The following PTPRT variants were observed in gnomAD, a reference collection of about 807,000 sequenced individuals.
PTPRT encodes the protein protein tyrosine phosphatase receptor type T.
Under a neutral mutation model 176.8 loss-of-function variants are expected in PTPRT, and 56 were observed. The observed-to-expected ratio is 0.32, with a 90% CI of 0.26 to 0.40. The LOEUF (loss-of-function observed/expected upper bound fraction) is 0.40. Among genes scored for constraint, PTPRT ranks in the 10% least tolerant of loss-of-function variants. The pLI, the probability that PTPRT is intolerant of heterozygous loss-of-function variation, is 1.00. For missense variants in PTPRT, 1,540 were observed against 1,908.2 expected, an observed-to-expected ratio of 0.81 and a Z score of 3.60; for synonymous variants, 783 against 739.0, an observed-to-expected ratio of 1.06 and a Z score of -0.96.
intron 1 of PTPRT, among the ~76,000 whole-genome samples, chr20:42,946,247 G>A (rs1236082112): frequency 6.6e-6 from 1 of 152,128 alleles, no homozygotes. Context: ...GGGGGAACTT[G>A]CCCCCAAACA....
intron 2 of PTPRT, among the ~76,000 whole-genome samples, chr20:42,883,791 A>ATACACACACCCCT (rs2079054338): frequency 1.1e-5 from 1 of 95,168 alleles, no homozygotes; most frequent in African/African-American, 4.1e-5. Context: ...ACGCACACCC[A>ATACACACACCCCT]TACACACACA....
rs1465279954 is a variant in PTPRT, at chr20:42,352,192, G to A, written c.1654C>T (p.Leu552Phe). Residue 552 changes from leucine (L) to phenylalanine (F), a missense_variant, in exon 10 of 31, where the codon CTC becomes TTC. Physicochemically the swap from Leu to Phe is conservative, Grantham distance 22. Coordinates refer to ENST00000373187, the MANE Select transcript of PTPRT (RefSeq NM_007050.6). ...GTCCCTGGGTACAGACCCACAAAGA[G>A]GTGGTGGGTTTCATTCCGGAGCTTG... ...VFKLRNETHH[L>F]FVGLYPGTTY... 1 of 1,614,014 alleles carries A rather than the reference G, an allele frequency of 6.2e-7. No individual in the cohort carries two copies. Among genetic ancestry groups the A allele is most frequent in the East Asian group, 2.2e-5 (1 of 44,892 alleles).
Position 42,620,639 on chromosome 20 carries a change from C to T in PTPRT, c.1153+57227G>A, listed in dbSNP as rs1013917324. Among the ~76,000 whole-genome samples, 8 of 152,320 alleles carry T rather than the reference C, an allele frequency of 5.3e-5. No individual in the cohort carries two copies. In the East Asian group the frequency reaches 1.4e-3, roughly 26 times the overall value. Reference sequence around the variant, plus strand: ...CCGAGCCAGGTGTGGGATATAATCTCGTGGTTTGCTGTTTTTTAAGCCGGT... The same window carrying T: ...CCGAGCCAGGTGTGGGATATAATCTTGTGGTTTGCTGTTTTTTAAGCCGGT... On this transcript the variant is annotated intron_variant, in intron 7 of 30. Coordinates refer to ENST00000373187, the MANE Select transcript of PTPRT (RefSeq NM_007050.6).
At chr20:43,087,574 G>A (rs530187828) in intron 1 of PTPRT, among the ~76,000 whole-genome samples, 1 of 152,004 alleles carries the variant, frequency 6.6e-6, no homozygotes, top group Non-Finnish European at 1.5e-5. Flanking sequence ...ATGTTGGCCA[G>A]GCTGGTCTCA....
intron 9 of PTPRT, among the ~76,000 whole-genome samples, chr20:42,365,272 G>A (rs541395688): frequency 6.6e-6 from 1 of 152,262 alleles, no homozygotes; most frequent in South Asian, 2.1e-4. Context: ...GTAGCTAGTA[G>A]CTAGACCAGG....
chr20:42,746,367 C>T (rs987331006), intron 6 of PTPRT, among the ~76,000 whole-genome samples: 4 of 152,126 alleles, frequency 2.6e-5, no homozygotes, highest in African/African-American at 7.2e-5. Context: ...GAGTCAGAGG[C>T]TAAGGGTGGG....
intron 7 of PTPRT, among the ~76,000 whole-genome samples, chr20:42,632,641 C>A (rs937935619): frequency 6.7e-6 from 1 of 149,814 alleles, no homozygotes; most frequent in Non-Finnish European, 1.5e-5. Flanking sequence ...ATATATTATA[C>A]TAAATTTATG....
intron 1 of PTPRT, among the ~76,000 whole-genome samples, chr20:42,967,068 C>T (rs761685301): frequency 3.3e-5 from 5 of 152,280 alleles, no homozygotes; most frequent in African/African-American, 1.2e-4. Flanking sequence ...CTTTAGCAGA[C>T]GATGAGTTTA....
chr20:42,394,023 C>T (rs536269139), intron 9 of PTPRT, among the ~76,000 whole-genome samples: 1 of 149,448 alleles, frequency 6.7e-6, no homozygotes, highest in Admixed American at 6.7e-5. Context: ...TGCACAAAGT[C>T]TATGAAGATG....
intron 9 of PTPRT, among the ~76,000 whole-genome samples, chr20:42,365,386 T>C (rs4812591): frequency 0.55 from 84,291 of 151,976 alleles, 23,633 homozygotes; most frequent in Non-Finnish European, 0.58. Context: ...TGGTGTATAG[T>C]TGTATATGGA....
chr20:42,347,122 C>G (rs1003443410), intron 11 of PTPRT, among the ~76,000 whole-genome samples: 4 of 152,230 alleles, frequency 2.6e-5, no homozygotes, highest in Non-Finnish European at 4.4e-5. Flanking sequence ...CAGTTAACAT[C>G]TTAGACTTCA....
intron 7 of PTPRT, among the ~76,000 whole-genome samples, chr20:42,561,979 C>A (rs931948408): frequency 2.0e-5 from 3 of 152,170 alleles, no homozygotes; most frequent in African/African-American, 4.8e-5. Context: ...GTTTTATTCT[C>A]CCCTGGCTCC....
intron 1 of PTPRT, among the ~76,000 whole-genome samples, chr20:42,934,112 G>T (rs2145977973): frequency 6.6e-6 from 1 of 152,276 alleles, no homozygotes; most frequent in East Asian, 1.9e-4. Context: ...CTTTGCCTTG[G>T]GCAGTGTCAA....
At chr20:42,719,741 A>G (rs2076278242) in intron 6 of PTPRT, among the ~76,000 whole-genome samples, 1 of 152,180 alleles carries the variant, frequency 6.6e-6, no homozygotes, top group Non-Finnish European at 1.5e-5. Context: ...TCAGGATGAG[A>G]GAGATAGGGA....
chr20:42,899,333 A>T (rs1259483948), intron 1 of PTPRT, among the ~76,000 whole-genome samples: 1 of 152,206 alleles, frequency 6.6e-6, no homozygotes, highest in Non-Finnish European at 1.5e-5. Flanking sequence ...ACAGGCTTAA[A>T]CTGGTTCCTG....
At chr20:42,423,341 C>G (rs920116774) in intron 9 of PTPRT, among the ~76,000 whole-genome samples, 7 of 152,088 alleles carry the variant, frequency 4.6e-5, no homozygotes, top group African/African-American at 1.7e-4. Context: ...GTATCAGGCC[C>G]CAGGGAATGA....
intron 1 of PTPRT, among the ~76,000 whole-genome samples, chr20:43,046,583 C>G (rs953484451): frequency 6.6e-6 from 1 of 151,278 alleles, no homozygotes; most frequent in African/African-American, 2.4e-5. Flanking sequence ...TCCCCGTGGG[C>G]TAAGATGGCT....
At chr20:42,824,324 T>G (rs2077954250) in intron 2 of PTPRT, among the ~76,000 whole-genome samples, 1 of 152,108 alleles carries the variant, frequency 6.6e-6, no homozygotes, top group African/African-American at 2.4e-5. Flanking sequence ...TTGTTTTGTT[T>G]TTTTTCATAA....
intron 2 of PTPRT, among the ~76,000 whole-genome samples, chr20:42,876,023 C>T (rs2078924087): frequency 6.6e-6 from 1 of 152,170 alleles, no homozygotes; most frequent in Non-Finnish European, 1.5e-5. Context: ...CATACAGATA[C>T]TCTCTGTCTT....
Sources: allele counts gnomAD v4.1 joint callset (sites outside exome capture counted in the v4.1 genomes callset), GRCh38; gene constraint gnomAD v4.1.1; transcripts MANE v1.5; gene names NCBI Gene and HGNC (gene_info 2026-07-23, HGNC 2026-07-21).